The following RBM33 variants were observed in gnomAD, a reference collection of about 807,000 sequenced individuals.
RBM33 encodes RNA-binding protein 33.
RBM33 carries 28 observed loss-of-function variants against 132.6 expected under a neutral mutation model. The observed-to-expected ratio is 0.21, with a 90% CI of 0.16 to 0.29. The LOEUF (loss-of-function observed/expected upper bound fraction) is 0.29. Ranked by LOEUF, RBM33 falls within the 10% of genes least tolerant of loss-of-function variation. The pLI is 1.00. For synonymous variants in RBM33, 634 were observed against 593.0 expected, an observed-to-expected ratio of 1.07 and a Z score of -1.01; for missense variants, 1,291 against 1,518.5, an observed-to-expected ratio of 0.85 and a Z score of 2.49.
Position 155,649,984 on chromosome 7 carries a change from A to G in RBM33, c.43+5065A>G, listed in dbSNP as rs1283587676. On this transcript the variant is annotated intron_variant, in intron 1 of 17. Transcript: ENST00000401878. ...CATGTGCCCAGCCTTCAGCATATGC[A>G]TGGTCTTCCAGATTTCCCATTATAC... Among the ~76,000 whole-genome samples, 4 of 152,150 alleles carry G rather than the reference A, an allele frequency of 2.6e-5. No individual in the cohort carries two copies. In the East Asian group the frequency reaches 5.8e-4, roughly 22 times the overall value.
rs527493327 is a variant in RBM33 at position 155,673,552 on chromosome 7, A to G, written c.171+637A>G. ...CACACATATATACATACACACGTGT[A>G]TATATATACACACATATACATACAC... On this transcript the variant is annotated intron_variant, in intron 3 of 17. Transcript: ENST00000401878. Among the ~76,000 whole-genome samples, 10 of 64,422 alleles carry G rather than the reference A, an allele frequency of 1.6e-4. 1 individual carries two copies. The highest frequency in any genetic ancestry group is 3.8e-4 in the East Asian group (1 of 2,640). 42.3% of individuals were successfully genotyped at this position (64,422 alleles called of 152,430 possible).
chr7:155,651,390 A>T (rs1798348882), intron 1 of RBM33, among the ~76,000 whole-genome samples: 1 of 152,082 alleles, frequency 6.6e-6, no homozygotes, highest in Admixed American at 6.6e-5. Context: ...TCTGATTCCT[A>T]ATCATTTTTT....
intron 14 of RBM33, among the ~76,000 whole-genome samples, chr7:155,756,292 T>G (rs1801848427): frequency 1.3e-5 from 2 of 152,244 alleles, no homozygotes; most frequent in Admixed American, 1.3e-4. Context: ...TATGCATAAC[T>G]ATAACCTTAT....
intron 1 of RBM33, among the ~76,000 whole-genome samples, chr7:155,655,008 A>G (rs1798453751): frequency 6.6e-6 from 1 of 152,296 alleles, no homozygotes; most frequent in East Asian, 1.9e-4. Context: ...ATGATCATGT[A>G]TTAGTTTGGT....
Position 155,759,572 on chromosome 7 carries a change from C to T in RBM33, c.2980-4240C>T, listed in dbSNP as rs1333906778. On this transcript the variant is annotated intron_variant, in intron 14 of 17. Transcript: ENST00000401878. ...AGCTGGGACTACAGGCGCCCGCCAC[C>T]GCGCCCGGCTAATTTTTTTTGTATT... 3.3e-5 allele frequency among the ~76,000 whole-genome samples: 5 copies of T among 152,062 alleles called. No homozygotes were observed. In the East Asian group the frequency reaches 7.7e-4, roughly 24 times the overall value.
chr7:155,701,879 G>A (rs1799976352), intron 6 of RBM33, among the ~76,000 whole-genome samples: 1 of 152,092 alleles, frequency 6.6e-6, no homozygotes, highest in Non-Finnish European at 1.5e-5. Flanking sequence ...GTAGAGACGG[G>A]GTTTCACCAT....
chr7:155,653,533 T>C (rs1302598630), intron 1 of RBM33, among the ~76,000 whole-genome samples: 4 of 151,680 alleles, frequency 2.6e-5, no homozygotes, highest in East Asian at 2.0e-4. Context: ...ACTAACCCCA[T>C]GTTAAGAGGG....
intron 9 of RBM33, among the ~76,000 whole-genome samples, chr7:155,733,840 C>A (rs1437694342): frequency 5.3e-5 from 8 of 152,200 alleles, no homozygotes. Flanking sequence ...ACCCACTTCC[C>A]CAACTCTAAC....
At chr7:155,759,806 T>TA (rs1018182576) in intron 14 of RBM33, among the ~76,000 whole-genome samples, 1 of 152,184 alleles carries the variant, frequency 6.6e-6, no homozygotes, top group East Asian at 1.9e-4. Context: ...CTATTGTTGT[T>TA]AAAGTTTCCT....
In RBM33 at chr7:155,745,102, C is replaced by G. The variant is rs1801468793; in HGVS notation, c.2479C>G (p.Leu827Val). 2.5e-6 allele frequency: 4 copies of G among 1,599,322 alleles called. No homozygotes were observed. Among genetic ancestry groups the G allele is most frequent in the Non-Finnish European group, 3.4e-6 (4 of 1,172,562 alleles). The change falls in exon 14 of 18, where the codon CTC becomes GTC. Residue 827 changes from leucine to valine, a missense_variant. Physicochemically the swap from Leu to Val is conservative, Grantham distance 32 (BLOSUM62 1). This residue lies in a region of RBM33 where 841 missense variants were observed against 912.0 expected (regional missense o/e 0.92). Coordinates refer to ENST00000401878, the MANE Select transcript of RBM33 (RefSeq NM_053043.3). This position sits in a 1 kb window ranked among gnomAD's most constrained non-coding sequence, Gnocchi z 4.1. Reference sequence around the variant, plus strand: ...CAGGAAGAAGGAGCTGCTGGAGAGACTCGCGCAGCAACAGCAGCAGCTGTA... The same window carrying G: ...CAGGAAGAAGGAGCTGCTGGAGAGAGTCGCGCAGCAACAGCAGCAGCTGTA... ...GARKKELLER[L>V]AQQQQQLYAP...
chr7:155,674,436 A>T (rs1799118618), intron 3 of RBM33, among the ~76,000 whole-genome samples: 1 of 152,128 alleles, frequency 6.6e-6, no homozygotes, highest in Non-Finnish European at 1.5e-5. Flanking sequence ...AGATGCTTTA[A>T]TGGAGAATAA....
chr7:155,682,908 C>G (rs1799373569), intron 5 of RBM33, among the ~76,000 whole-genome samples: 2 of 151,922 alleles, frequency 1.3e-5, no homozygotes, highest in South Asian at 2.1e-4. Context: ...ATCTTGTGGT[C>G]TAAGATTCAG....
chr7:155,759,713 T>C (rs1246039854), intron 14 of RBM33, among the ~76,000 whole-genome samples: 1 of 152,194 alleles, frequency 6.6e-6, no homozygotes, highest in Non-Finnish European at 1.5e-5. Flanking sequence ...ATTACTACAG[T>C]GTTATGTGTT....
At position 155,776,408 on chromosome 7, in the gene RBM33, GCT is replaced by G. The variant is rs1802611684; in HGVS notation, c.*1371_*1372del. ...CCCCTGGAGGGAGCATGGCGCTAGGGCTCTCAGCCTCCTAGAAGGAAGGGACT... is the reference window on the plus strand; with the variant it reads ...CCCCTGGAGGGAGCATGGCGCTAGGGCTCAGCCTCCTAGAAGGAAGGGACT... On this transcript the variant is annotated 3_prime_UTR_variant, in exon 18 of 18. Coordinates refer to ENST00000401878, the MANE Select transcript of RBM33 (RefSeq NM_053043.3). The surrounding 1 kb of genome is among the most constrained non-coding windows in gnomAD (Gnocchi z 4.0). 6.6e-6 allele frequency: 1 copy of G among 152,230 alleles called. No homozygotes were observed. Among genetic ancestry groups the G allele is most frequent in the Admixed American group, 6.5e-5 (1 of 15,284 alleles). The allele number at this position is 152,230 out of a possible 1,614,324, so 9.4% of individuals were successfully genotyped here. A position where few individuals can be genotyped will look rare whatever the true frequency, so the allele number is the denominator to read the frequency against.
At chr7:155,749,575 G>A (rs1283000029) in intron 14 of RBM33, among the ~76,000 whole-genome samples, 4 of 152,176 alleles carry the variant, frequency 2.6e-5, no homozygotes, top group Non-Finnish European at 5.9e-5. Flanking sequence ...TTCGGAAAAT[G>A]CTTAATGGGG....
At chr7:155,769,199 G>A (rs758487352) in intron 16 of RBM33, among the ~76,000 whole-genome samples, 9 of 152,112 alleles carry the variant, frequency 5.9e-5, no homozygotes, top group African/African-American at 2.2e-4. Flanking sequence ...TTGATTCTTC[G>A]AAGACTAGAT....
chr7:155,671,934 G>A (rs373912234), intron 2 of RBM33, among the ~76,000 whole-genome samples: 10 of 151,966 alleles, frequency 6.6e-5, no homozygotes, highest in African/African-American at 1.7e-4. Flanking sequence ...ATTTGCTAAG[G>A]GTTTCTGTTT....
chr7:155,735,982 A>G (rs1054864503), intron 9 of RBM33, among the ~76,000 whole-genome samples: 11 of 152,356 alleles, frequency 7.2e-5, no homozygotes, highest in African/African-American at 2.4e-4. Context: ...AAAAGCTACG[A>G]GATTTTCAGC....
rs895653535 is a variant in RBM33, at chr7:155,777,842, C to G, written c.*2801C>G. 13 of 152,592 alleles carry G rather than the reference C, an allele frequency of 8.5e-5. No homozygotes were observed. Among genetic ancestry groups the G allele is most frequent in the African/African-American group, 3.1e-4 (13 of 41,446 alleles). The allele number at this position is 152,592 out of a possible 1,614,324, so 9.5% of individuals were successfully genotyped here. ...AGTAAGTCAATACATTTATCCTGAT[C>G]TGTGTATTATTTGTTCACAAATTCA... On this transcript the variant is annotated 3_prime_UTR_variant, in exon 18 of 18. Transcript: ENST00000401878.
Sources: gnomAD v4.1 joint callset for allele counts (sites outside exome capture counted in the v4.1 genomes callset) on GRCh38, gnomAD v4.1.1 for gene constraint, gnomAD v4.1.1 regional missense constraint, Gnocchi (gnomAD v3.1) non-coding constraint, MANE v1.5 for transcripts, NCBI Gene and HGNC (gene_info 2026-07-23, HGNC 2026-07-21) for gene names.